Variants in GOLGA8O observed in about 807,000 individuals in gnomAD.
GOLGA8O encodes the protein golgin A8 family member O, also known as golgin subfamily A member 8O.
GOLGA8O carries 4 observed loss-of-function variants against 29.7 expected under a neutral mutation model. The observed-to-expected ratio is 0.13, with a 90% CI of 0.07 to 0.31. The LOEUF (loss-of-function observed/expected upper bound fraction) is 0.31, where lower values mean the gene tolerates loss of function less well. GOLGA8O is among the 10% of genes least tolerant of loss of function. The pLI is 1.00. For synonymous variants in GOLGA8O, 6 were observed against 78.0 expected (o/e 0.08, Z 4.87); for missense variants, 32 against 216.5 (o/e 0.15, Z 5.35).
chr15:32,458,550 A>C (rs1180449878), upstream of GOLGA8O, among the ~76,000 whole-genome samples: 1 of 108,402 alleles, frequency 9.2e-6, no homozygotes, highest in African/African-American at 3.6e-5. Context: ...ATTAGGAATC[A>C]GCATACATTC....
intron 8 of GOLGA8O, among the ~76,000 whole-genome samples, chr15:32,450,560 T>C (rs1157763378): frequency 7.9e-6 from 1 of 126,714 alleles, no homozygotes; most frequent in African/African-American, 2.9e-5. Context: ...CATGCACGCG[T>C]TTCCTCTTTC....
upstream of GOLGA8O, among the ~76,000 whole-genome samples, chr15:32,458,633 A>T (rs1294867699): frequency 4.3e-5 from 4 of 93,730 alleles, no homozygotes; most frequent in East Asian, 5.9e-4. Context: ...TTTTATTTTT[A>T]TTTATTTATT....
intron 8 of GOLGA8O, among the ~76,000 whole-genome samples, chr15:32,450,560 T>A (rs1157763378): frequency 1.6e-5 from 2 of 126,774 alleles, no homozygotes; most frequent in African/African-American, 2.9e-5. Flanking sequence ...CATGCACGCG[T>A]TTCCTCTTTC....
chr15:32,458,433 C>T (rs1221853210), upstream of GOLGA8O, among the ~76,000 whole-genome samples: 5 of 101,954 alleles, frequency 4.9e-5, no homozygotes, highest in African/African-American at 2.2e-4. Context: ...CAAACGTATC[C>T]ACCTCAGGCA....
chr15:32,450,681 C>T lies in GOLGA8O; in HGVS notation c.591+232G>A, dbSNP rs1236511526. On this transcript the variant is annotated intron_variant, in intron 8 of 18. Transcript: ENST00000509311. ...CACAGCCAGGTAAGGGCGGGGCAGGCACTTGGCCTCCAAGCTCTGCGTCCA... is the reference window on the plus strand; with the variant it reads ...CACAGCCAGGTAAGGGCGGGGCAGGTACTTGGCCTCCAAGCTCTGCGTCCA... Among the ~76,000 whole-genome samples, 14 of 152,202 alleles carry T rather than the reference C, an allele frequency of 9.2e-5. No individual in the cohort carries two copies. In the East Asian group the frequency reaches 1.2e-3, roughly 13 times the overall value.
At chr15:32,459,317 A>G (rs2055213064), upstream of GOLGA8O, among the ~76,000 whole-genome samples, 1 of 105,448 alleles carries the variant, frequency 9.5e-6, no homozygotes, top group South Asian at 3.5e-4. Flanking sequence ...AAAAGACTAC[A>G]AATGATAAGC....
intron 5 of GOLGA8O, 117 bp downstream of exon 5, chr15:32,451,484 T>C (rs563500166): frequency 1.3e-6 from 2 of 1,558,722 alleles, no homozygotes; most frequent in East Asian, 4.5e-5. Flanking sequence ...TGGGGTGGAA[T>C]CTGAGGGGTG....
intron 17 of GOLGA8O, 46 bp downstream of exon 17, chr15:32,445,569 CTCA>C: frequency 9.3e-5 from 4 of 42,874 alleles, no homozygotes; most frequent in South Asian, 1.4e-4. Context: ...TGCGCCCACC[CTCA>C]CACCCACCCC....
upstream of GOLGA8O, among the ~76,000 whole-genome samples, chr15:32,457,032 T>G (rs2055194463): frequency 2.2e-5 from 1 of 46,446 alleles, no homozygotes; most frequent in African/African-American, 5.8e-5. Context: ...TTTTTTTTTT[T>G]TTTTTTTGAG....
chr15:32,451,320 CGTT>C lies in GOLGA8O; in HGVS notation c.364_366del (p.Asn122del), dbSNP rs1227309047. 5 of 737,704 alleles carry C rather than the reference CGTT, an allele frequency of 6.8e-6. No homozygotes were observed. The highest frequency in any genetic ancestry group is 2.7e-5 in the East Asian group (1 of 36,500). 45.7% of individuals were successfully genotyped at this position (737,704 alleles called of 1,614,324 possible). ...AGCTCCCTTTCGGCTTTCTGTCTCT[CGTT>C]GTTTGCTTTCTTTTCCTGTAGGAAG... On this transcript the variant is annotated inframe_deletion, in exon 6 of 19. Coordinates refer to ENST00000509311, the MANE Select transcript of GOLGA8O (RefSeq NM_001277308.1).
upstream of GOLGA8O, among the ~76,000 whole-genome samples, chr15:32,458,813 A>ATT (rs558993310): frequency 1.1e-5 from 1 of 90,996 alleles, no homozygotes; most frequent in African/African-American, 5.4e-5. Context: ...ACACCTAGCT[A>ATT]TTTTTTTTTT....
chr15:32,458,748 A>G (rs1366346660), upstream of GOLGA8O, among the ~76,000 whole-genome samples: 2 of 110,810 alleles, frequency 1.8e-5, no homozygotes, highest in Admixed American at 1.7e-4. Context: ...CCTGGGCTCA[A>G]GCAATCCTCC....
chr15:32,451,672 T>G, intron 4 of GOLGA8O, 33 bp from the exon 5 acceptor site: 1 of 1,507,356 alleles, frequency 6.6e-7, no homozygotes, highest in South Asian at 1.1e-5. Context: ...TGATGGAGGG[T>G]GGCCCCCTCA....
chr15:32,450,852 G>C (rs1343336590), intron 8 of GOLGA8O, 61 bp downstream of exon 8: 1 of 737,878 alleles, frequency 1.4e-6, no homozygotes, highest in East Asian at 2.8e-5. Context: ...GGGACCTTTA[G>C]GCTCACTCCT....
At position 32,451,467 on chromosome 15, in the gene GOLGA8O, G is replaced by A. The variant is rs1009626626; in HGVS notation, c.349-129C>T. The A allele has an allele frequency of 4.6e-5, 65 of 1,423,492 alleles. 1 individual carries two copies. The highest frequency in any genetic ancestry group is 4.9e-5 in the Non-Finnish European group (51 of 1,033,750). 88.2% of individuals were successfully genotyped at this position (1,423,492 alleles called of 1,614,324 possible). A position where few individuals can be genotyped will look rare whatever the true frequency, so the allele number is the denominator to read the frequency against. ...ATGGGACCAGGTTATCAGGGGCCCT[G>A]TGGGGATGGGGTGGAATCTGAGGGG... On this transcript the variant is annotated intron_variant, in intron 5 of 18. Coordinates refer to ENST00000509311, the MANE Select transcript of GOLGA8O (RefSeq NM_001277308.1).
the GOLGA8O span, among the ~76,000 whole-genome samples, chr15:32,460,733 T>C: frequency 1.0e-5 from 1 of 98,830 alleles, no homozygotes; most frequent in Admixed American, 9.4e-5. Flanking sequence ...ACACAGTTTT[T>C]CCTGCTAATC....
chr15:32,450,647 G>A (rs1316035801), intron 8 of GOLGA8O, among the ~76,000 whole-genome samples: 1 of 151,986 alleles, frequency 6.6e-6, no homozygotes, highest in Non-Finnish European at 1.5e-5. Context: ...CCTAGGACTT[G>A]CCCAAGACCA....
intron 8 of GOLGA8O, among the ~76,000 whole-genome samples, chr15:32,450,518 T>TACACACACACACACACACAC (rs376032409): frequency 1.4e-4 from 18 of 132,020 alleles, no homozygotes; most frequent in East Asian, 7.3e-4. Context: ...TCACAGTATG[T>TACACACACACACACACACAC]ACACACACAC....
chr15:32,451,497 C>A (rs2055131617), intron 5 of GOLGA8O, 104 bp downstream of exon 5: 1 of 1,587,512 alleles, frequency 6.3e-7, no homozygotes, highest in Non-Finnish European at 8.6e-7. Flanking sequence ...GAGGGGTGAG[C>A]CTTCTTCCCC....
Sources: gnomAD v4.1 joint callset for allele counts (sites outside exome capture counted in the v4.1 genomes callset) on GRCh38, gnomAD v4.1.1 for gene constraint, MANE v1.5 for transcripts, NCBI Gene and HGNC (gene_info 2026-07-23, HGNC 2026-07-21) for gene names.